Variants in RB1 observed in about 807,000 individuals in gnomAD.
RB1 encodes RB transcriptional corepressor 1.
Under a neutral mutation model 135.4 loss-of-function variants are expected in RB1, and 18 were observed. The ratio of observed to expected loss-of-function variants is 0.13; its 90% CI spans 0.09 to 0.20. The LOEUF is 0.20. RB1 is among the 10% of genes least tolerant of loss of function. RB1 has a pLI of 1.00. For missense variants in RB1, 868 were observed against 1,110.0 expected (o/e 0.78, Z 3.10); for synonymous variants, 365 against 373.2 (o/e 0.98, Z 0.25).
At chr13:48,425,667 A>G (rs1949069134) in intron 17 of RB1, among the ~76,000 whole-genome samples, 1 of 151,934 alleles carries the variant, frequency 6.6e-6, no homozygotes, top group Non-Finnish European at 1.5e-5. Flanking sequence ...AGCCTGGGCA[A>G]TATAGAGAGT....
chr13:48,313,742 A>AT (rs1952154412), intron 2 of RB1, among the ~76,000 whole-genome samples: 17 of 63,114 alleles, frequency 2.7e-4, no homozygotes, highest in Non-Finnish European at 5.8e-4. Flanking sequence ...CTGTATGTTT[A>AT]TTCTTTTTTT....
At chr13:48,426,019 G>A (rs776031733) in intron 17 of RB1, among the ~76,000 whole-genome samples, 1 of 152,094 alleles carries the variant, frequency 6.6e-6, no homozygotes, top group South Asian at 2.1e-4. Context: ...TATAATGAAA[G>A]AATACAACTT....
At chr13:48,365,061 G>A (rs370160833) in intron 9 of RB1, 90 bp downstream of exon 9, 5 of 1,419,674 alleles carry the variant, frequency 3.5e-6, no homozygotes, top group East Asian at 2.6e-5. Flanking sequence ...AATTTACTGT[G>A]TATCACATTT....
At chr13:48,449,310 T>C (rs938978970) in intron 17 of RB1, among the ~76,000 whole-genome samples, 2 of 152,232 alleles carry the variant, frequency 1.3e-5, no homozygotes, top group Non-Finnish European at 2.9e-5. Context: ...CTTCATTGTA[T>C]AGTTATTTGG....
intron 17 of RB1, among the ~76,000 whole-genome samples, chr13:48,426,110 C>T (rs1949076221): frequency 6.6e-6 from 1 of 152,146 alleles, no homozygotes; most frequent in Non-Finnish European, 1.5e-5. Flanking sequence ...TTTGACCTTA[C>T]CTTGGGCAAA....
chr13:48,304,566 C>G (rs1277763495), intron 1 of RB1, among the ~76,000 whole-genome samples: 1 of 152,022 alleles, frequency 6.6e-6, no homozygotes, highest in East Asian at 1.9e-4. Context: ...ACAAGAAGCG[C>G]AGGGTCCTGA....
intron 17 of RB1, chr13:48,411,215 A>G: frequency 1.7e-6 from 1 of 573,084 alleles, no homozygotes; most frequent in South Asian, 2.3e-5. Context: ...ATACACAAAT[A>G]AAATACATGT....
At chr13:48,360,330 T>C (rs940904275) in intron 7 of RB1, 15 of 1,159,548 alleles carry the variant, frequency 1.3e-5, no homozygotes, top group Non-Finnish European at 1.5e-5. Context: ...GAAAGTGGTT[T>C]GGGTCAAAAT....
At position 48,319,725 on chromosome 13, in the gene RB1, G is replaced by T; in HGVS notation, c.264+12319G>T. The T allele has an allele frequency of 7.7e-6, 2 of 260,666 alleles. No homozygotes were observed. Among genetic ancestry groups the T allele is most frequent in the South Asian group, 5.7e-5 (1 of 17,686 alleles). 16.1% of individuals were successfully genotyped at this position (260,666 alleles called of 1,614,324 possible). A position where few individuals can be genotyped will look rare whatever the true frequency, so the allele number is the denominator to read the frequency against. ...GAGTGACTTGGTCGAATTTTCGTTT[G>T]GGTCTGGTTTTTTATCTATTGACCC... On this transcript the variant is annotated intron_variant, in intron 2 of 26. Coordinates refer to ENST00000267163, the MANE Select transcript of RB1 (RefSeq NM_000321.3). The surrounding 1 kb of genome is among the most constrained non-coding windows in gnomAD (Gnocchi z 5.0).
intron 2 of RB1, among the ~76,000 whole-genome samples, chr13:48,311,941 T>G (rs1441727245): frequency 6.6e-6 from 1 of 152,212 alleles, no homozygotes; most frequent in African/African-American, 2.4e-5. Flanking sequence ...CCTGACCTCA[T>G]GATCTGCCCT....
intron 17 of RB1, among the ~76,000 whole-genome samples, chr13:48,409,489 G>C (rs761826991): frequency 6.6e-6 from 1 of 151,228 alleles, no homozygotes; most frequent in Non-Finnish European, 1.5e-5. Context: ...AAATCAGATA[G>C]GTTGGATGCT....
intron 1 of RB1, among the ~76,000 whole-genome samples, chr13:48,305,738 A>G (rs1952075667): frequency 6.6e-6 from 1 of 152,160 alleles, no homozygotes; most frequent in Admixed American, 6.5e-5. Flanking sequence ...AGACAGTTGA[A>G]CTCTATAAAT....
At position 48,389,157 on chromosome 13, in the gene RB1, T is replaced by A. The variant is rs111546668; in HGVS notation, c.1695+7714T>A. On this transcript the variant is annotated intron_variant, in intron 17 of 26. Coordinates refer to ENST00000267163, the MANE Select transcript of RB1 (RefSeq NM_000321.3). ...CTCAGTGACAGAGCAAGACTCTGTC[T>A]CAAAAATAAAATAAAATAAAATTAA... Among the ~76,000 whole-genome samples the A allele has an allele frequency of 1.1e-4, 17 of 151,466 alleles. No homozygotes were observed. The South Asian group carries it at 3.5e-3, about 32-fold the overall frequency.
chr13:48,448,209 G>A (rs899591212), intron 17 of RB1, among the ~76,000 whole-genome samples: 1 of 152,164 alleles, frequency 6.6e-6, no homozygotes, highest in African/African-American at 2.4e-5. Flanking sequence ...AGTGTTAATT[G>A]TTAGCATTAC....
chr13:48,333,094 A>C, intron 2 of RB1: 1 of 398,340 alleles, frequency 2.5e-6, no homozygotes, highest in Non-Finnish European at 4.4e-6. Context: ...GTGGATATGG[A>C]ATGACTGATG....
chr13:48,307,481 T>C lies in RB1; in HGVS notation c.264+75T>C, dbSNP rs3092865. The C allele has an allele frequency of 0.012, 16,653 of 1,410,128 alleles. 1,134 individuals are homozygous for C. The African/African-American group carries it at 0.17, about 15-fold the overall frequency. The allele number at this position is 1,410,128 out of a possible 1,614,324, so 87.4% of individuals were successfully genotyped here. ...ACAACTTCAAATCACTATACAAAAA[T>C]TGAAAGATAGAAAAATATAAAGACA... On this transcript the variant is annotated intron_variant, in intron 2 of 26. Transcript: ENST00000267163.
intron 17 of RB1, chr13:48,415,607 G>A (rs1013914049): frequency 6.6e-6 from 1 of 152,018 alleles, no homozygotes; most frequent in Non-Finnish European, 1.5e-5. Flanking sequence ...TAATGTTTGA[G>A]TTACTGGGGC....
rs1593532038 is a variant in RB1 at position 48,456,293 on chromosome 13, C to A, written c.1904C>A (p.Ala635Asp). 2 of 1,614,088 alleles carry A rather than the reference C, an allele frequency of 1.2e-6. No individual in the cohort carries two copies. ...TANAETQATSAFQTQKPLKST... is the reference protein window; with the variant it reads ...TANAETQATSDFQTQKPLKST... ...AATGCAGAGACACAAGCAACCTCAGCCTTCCAGACCCAGAAGCCATTGAAA... is the reference window on the plus strand; with the variant it reads ...AATGCAGAGACACAAGCAACCTCAGACTTCCAGACCCAGAAGCCATTGAAA... Residue 635 changes from alanine (A) to aspartate (D), a missense_variant, in exon 19 of 27, where the codon GCC becomes GAC. By Grantham distance (126) the Ala-to-Asp change is moderately radical (BLOSUM62 -2). Coordinates refer to ENST00000267163, the MANE Select transcript of RB1 (RefSeq NM_000321.3).
intron 2 of RB1, chr13:48,318,939 C>T (rs1378746810): frequency 2.0e-6 from 2 of 1,019,402 alleles, no homozygotes; most frequent in African/African-American, 1.6e-5. Context: ...CGGGAAGGCA[C>T]GTTCAGGGAG....
Sources: allele counts gnomAD v4.1 joint callset (sites outside exome capture counted in the v4.1 genomes callset), GRCh38; gene constraint gnomAD v4.1.1; non-coding constraint Gnocchi (gnomAD v3.1); transcripts MANE v1.5; gene names NCBI Gene and HGNC (gene_info 2026-07-23, HGNC 2026-07-21).